Variants in STXBP5L observed in about 807,000 individuals in gnomAD.
STXBP5L encodes the protein syntaxin-binding protein 5-like.
A neutral mutation model predicts 144.5 loss-of-function variants in STXBP5L; 65 were observed. That is an observed-to-expected ratio of 0.45 (90% CI 0.37 to 0.55). The LOEUF (loss-of-function observed/expected upper bound fraction) is 0.55, where lower values mean the gene tolerates loss of function less well. Ranked by LOEUF, STXBP5L falls within the 20% of genes least tolerant of loss-of-function variation. The pLI, the probability that STXBP5L is intolerant of heterozygous loss-of-function variation, is 0.00. For synonymous variants in STXBP5L, 505 were observed against 469.6 expected (o/e 1.08, Z -0.97); for missense variants, 1,298 against 1,405.5 (o/e 0.92, Z 1.22).
intron 5 of STXBP5L, among the ~76,000 whole-genome samples, chr3:121,094,507 G>A (rs1399448436): frequency 5.9e-5 from 9 of 152,076 alleles, no homozygotes; most frequent in East Asian, 1.9e-4. Flanking sequence ...TGTTGAATTA[G>A]TCCCTTTACC....
At chr3:121,051,112 T>C (rs1306611419) in intron 5 of STXBP5L, among the ~76,000 whole-genome samples, 1 of 152,118 alleles carries the variant, frequency 6.6e-6, no homozygotes, top group African/African-American at 2.4e-5. Flanking sequence ...ACAAAGAGAC[T>C]TAGACTCCCA....
intron 19 of STXBP5L, among the ~76,000 whole-genome samples, chr3:121,300,871 A>G (rs1383671542): frequency 6.6e-6 from 1 of 152,178 alleles, no homozygotes; most frequent in Non-Finnish European, 1.5e-5. Context: ...AAAAAGAAAC[A>G]AATATCAAAA....
Position 121,093,311 on chromosome 3 carries a change from C to G in STXBP5L, c.471-21614C>G, listed in dbSNP as rs1446545124. On this transcript the variant is annotated intron_variant, in intron 5 of 26. Transcript: ENST00000471454. ...TAAAATGAGTTAGGGAGGATTCCCT[C>G]TTTTTCTATTGATTGGAATAGTTTC... Among the ~76,000 whole-genome samples, 6 of 152,266 alleles carry G rather than the reference C, an allele frequency of 3.9e-5. No homozygotes were observed. The South Asian group carries it at 1.2e-3, about 32-fold the overall frequency.
intron 22 of STXBP5L, among the ~76,000 whole-genome samples, chr3:121,401,326 G>T (rs113148508): frequency 0.027 from 4,062 of 152,204 alleles, 82 homozygotes; most frequent in Non-Finnish European, 0.043. Flanking sequence ...ACTTGTGGAA[G>T]TCAGTGTGGC....
chr3:121,121,830 A>G (rs1191968973), intron 7 of STXBP5L, 126 bp downstream of exon 7: 3 of 532,732 alleles, frequency 5.6e-6, no homozygotes, highest in Non-Finnish European at 9.7e-6. Context: ...GTAAAATGAA[A>G]ATGTGTTGAA....
intron 20 of STXBP5L, among the ~76,000 whole-genome samples, chr3:121,333,458 TA>T (rs1193601545): frequency 1.3e-5 from 2 of 150,252 alleles, no homozygotes. Context: ...ATGTCACAAC[TA>T]AAAAAACTTA....
At chr3:121,218,352 A>G (rs1034407145) in intron 10 of STXBP5L, among the ~76,000 whole-genome samples, 7 of 144,488 alleles carry the variant, frequency 4.8e-5, no homozygotes, top group African/African-American at 1.8e-4. Flanking sequence ...TATACTATAT[A>G]TGCTAGTATA....
chr3:121,231,617 G>T (rs983896427), intron 11 of STXBP5L, among the ~76,000 whole-genome samples: 1 of 152,112 alleles, frequency 6.6e-6, no homozygotes, highest in Non-Finnish European at 1.5e-5. Flanking sequence ...ATCTCAGATG[G>T]CTAGAGCAAG....
chr3:120,979,278 C>G lies in STXBP5L; in HGVS notation c.287+24241C>G, dbSNP rs529443226. Among the ~76,000 whole-genome samples the G allele has an allele frequency of 7.2e-5, 11 of 152,346 alleles. No individual in the cohort carries two copies. The South Asian group carries it at 2.1e-3, about 29-fold the overall frequency. On this transcript the variant is annotated intron_variant, in intron 3 of 26. Transcript: ENST00000471454. ...AGGTGCCCCTCCCCCAGCCTCACTGCCGCCTTGCAGTTTGATCTCAGACTG... is the reference window on the plus strand; with the variant it reads ...AGGTGCCCCTCCCCCAGCCTCACTGGCGCCTTGCAGTTTGATCTCAGACTG...
chr3:121,113,331 T>C (rs1369702726), intron 5 of STXBP5L, among the ~76,000 whole-genome samples: 1 of 152,194 alleles, frequency 6.6e-6, no homozygotes, highest in Non-Finnish European at 1.5e-5. Flanking sequence ...TTCCTCTTTC[T>C]ACCTAAGATT....
intron 5 of STXBP5L, among the ~76,000 whole-genome samples, chr3:121,106,614 G>A (rs2043725338): frequency 6.6e-6 from 1 of 152,098 alleles, no homozygotes; most frequent in Non-Finnish European, 1.5e-5. Flanking sequence ...TGGTGTATAT[G>A]TATCATATTT....
intron 20 of STXBP5L, among the ~76,000 whole-genome samples, chr3:121,319,238 G>T (rs1337331411): frequency 6.6e-6 from 1 of 152,026 alleles, no homozygotes; most frequent in Admixed American, 6.6e-5. Flanking sequence ...AAATCATTAG[G>T]TATGTCTTTA....
At chr3:121,189,855 TAAA>T (rs921064920) in intron 9 of STXBP5L, among the ~76,000 whole-genome samples, 1 of 152,130 alleles carries the variant, frequency 6.6e-6, no homozygotes, top group Non-Finnish European at 1.5e-5. Flanking sequence ...AATAAACAAA[TAAA>T]AAGTATGTAT....
At chr3:121,139,536 T>A (rs2107932990) in intron 7 of STXBP5L, among the ~76,000 whole-genome samples, 1 of 152,064 alleles carries the variant, frequency 6.6e-6, no homozygotes, top group Middle Eastern at 3.4e-3. Context: ...TGGCTCAGAG[T>A]CAATGCTCTT....
intron 5 of STXBP5L, among the ~76,000 whole-genome samples, chr3:121,096,585 C>T (rs908680467): frequency 6.6e-6 from 1 of 152,102 alleles, no homozygotes; most frequent in Non-Finnish European, 1.5e-5. Context: ...TTTCTTCCAA[C>T]AGTCAGGCCC....
chr3:121,347,867 T>C (rs2045071008), intron 20 of STXBP5L, among the ~76,000 whole-genome samples: 1 of 152,206 alleles, frequency 6.6e-6, no homozygotes, highest in South Asian at 2.1e-4. Flanking sequence ...GTTGAGACGA[T>C]GGGGTTTTCT....
At chr3:120,943,847 T>G (rs963885663) in intron 2 of STXBP5L, among the ~76,000 whole-genome samples, 4 of 151,170 alleles carry the variant, frequency 2.6e-5, no homozygotes, top group Admixed American at 1.3e-4. Context: ...TTAAACTGGA[T>G]CATTAGTATC....
intron 20 of STXBP5L, among the ~76,000 whole-genome samples, chr3:121,342,867 T>A (rs1576225882): frequency 6.7e-6 from 1 of 149,652 alleles, no homozygotes; most frequent in Admixed American, 6.7e-5. Flanking sequence ...TACCCAGTAA[T>A]GGGATTGCTG....
At chr3:120,986,902 G>A (rs1286669290) in intron 3 of STXBP5L, among the ~76,000 whole-genome samples, 3 of 151,872 alleles carry the variant, frequency 2.0e-5, no homozygotes, top group Non-Finnish European at 2.9e-5. Context: ...TCTAAAGAAC[G>A]AGAAAAGGTG....
Sources: allele counts gnomAD v4.1 joint callset (sites outside exome capture counted in the v4.1 genomes callset), GRCh38; gene constraint gnomAD v4.1.1; transcripts MANE v1.5; gene names NCBI Gene and HGNC (gene_info 2026-07-23, HGNC 2026-07-21).